ADARB1: variants seen among roughly 807,000 people sequenced by gnomAD.
The protein encoded by ADARB1 is adenosine deaminase RNA specific B1.
In ADARB1, 10 loss-of-function variants were observed where a neutral mutation model predicts 52.4. The ratio of observed to expected loss-of-function variants is 0.19; its 90% CI spans 0.12 to 0.32. The LOEUF (loss-of-function observed/expected upper bound fraction) is 0.32, where lower values mean the gene tolerates loss of function less well. ADARB1 is among the 10% of genes least tolerant of loss of function. ADARB1 has a pLI of 1.00. For synonymous variants in ADARB1, 349 were observed against 371.1 expected, an observed-to-expected ratio of 0.94 and a Z score of 0.68; for missense variants, 643 against 922.3, an observed-to-expected ratio of 0.70 and a Z score of 3.92.
intron 1 of ADARB1, among the ~76,000 whole-genome samples, chr21:45,105,576 A>G (rs1177823560): frequency 6.6e-6 from 1 of 152,220 alleles, no homozygotes; most frequent in Non-Finnish European, 1.5e-5. Context: ...AATATATTTT[A>G]AAAGAGAAAA....
chr21:45,147,251 T>A (rs1212721754), intron 2 of ADARB1, among the ~76,000 whole-genome samples: 3 of 152,256 alleles, frequency 2.0e-5, no homozygotes, highest in Non-Finnish European at 2.9e-5. Flanking sequence ...CTTACAGTTT[T>A]CAAATACAGT....
intron 1 of ADARB1, 147 bp downstream of exon 1, chr21:45,074,940 C>G (rs1274214840): frequency 1.3e-5 from 2 of 150,536 alleles, no homozygotes; most frequent in East Asian, 4.0e-4. Context: ...CGCGGAGAAG[C>G]GAGGGTGCCG....
chr21:45,208,757 C>T lies in ADARB1; in HGVS notation c.1747+4021C>T, dbSNP rs2092714500. On this transcript the variant is annotated intron_variant, in intron 9 of 10. Transcript: ENST00000348831. This position sits in a 1 kb window ranked among gnomAD's most constrained non-coding sequence, Gnocchi z 5.6. Reference sequence around the variant, plus strand: ...GTGTGTGTGTGTGTATGCGTATTCTCCAGGTAAGAGCAGGCACCGGGGTTG... The same window carrying T: ...GTGTGTGTGTGTGTATGCGTATTCTTCAGGTAAGAGCAGGCACCGGGGTTG... Among the ~76,000 whole-genome samples, 1 of 151,820 alleles carries T rather than the reference C, an allele frequency of 6.6e-6. No homozygotes were observed. Among genetic ancestry groups the T allele is most frequent in the Non-Finnish European group, 1.5e-5 (1 of 67,958 alleles).
At chr21:45,144,842 A>G in intron 2 of ADARB1, 1 of 205,082 alleles carries the variant, frequency 4.9e-6, no homozygotes, top group South Asian at 6.9e-5. Flanking sequence ...GGGAGAGTCT[A>G]AATTACTCTG....
rs144089205 is a variant in ADARB1 at position 45,200,663 on chromosome 21, C to T, written c.1566-3892C>T. ...ATGGGCTCTGCAGAAGGTGGCCTCC[C>T]GTGCAGCTGCTTGAAGAACCCAGGG... is the stretch of plus-strand genomic sequence containing the variant. On this transcript the variant is annotated intron_variant, in intron 8 of 10. Coordinates refer to ENST00000348831, the MANE Select transcript of ADARB1 (RefSeq NM_001112.4). This position sits in a 1 kb window ranked among gnomAD's most constrained non-coding sequence, Gnocchi z 5.0. Among the ~76,000 whole-genome samples, 228 of 152,210 alleles carry T rather than the reference C, an allele frequency of 1.5e-3. No homozygotes were observed. Among genetic ancestry groups the T allele is most frequent in the African/African-American group, 5.0e-3 (208 of 41,520 alleles).
Position 45,225,605 on chromosome 21 carries a change from T to C in ADARB1, c.*3408T>C. The C allele has an allele frequency of 2.3e-6, 3 of 1,312,952 alleles. No homozygotes were observed. Among genetic ancestry groups the C allele is most frequent in the Non-Finnish European group, 2.0e-6 (2 of 1,017,568 alleles). The allele number at this position is 1,312,952 out of a possible 1,614,324, so 81.3% of individuals were successfully genotyped here. A position where few individuals can be genotyped will look rare whatever the true frequency, so the allele number is the denominator to read the frequency against. On this transcript the variant is annotated 3_prime_UTR_variant, in exon 11 of 11. Transcript: ENST00000348831. The stretch of plus-strand genomic sequence containing the variant: ...TTGTGCACAGATCTGAGGATGGGAT[T>C]AGCGAAGCTGTGGAGACTGCACATC...
intron 1 of ADARB1, among the ~76,000 whole-genome samples, chr21:45,124,216 C>T (rs2088409597): frequency 6.6e-6 from 1 of 152,186 alleles, no homozygotes; most frequent in Non-Finnish European, 1.5e-5. Flanking sequence ...GATTGACTTA[C>T]TGCTTCCTTT....
rs1487777576 is a variant in ADARB1, at chr21:45,220,138, A to G, written c.1748-698A>G. Among the ~76,000 whole-genome samples the G allele has an allele frequency of 6.6e-6, 1 of 152,064 alleles. No individual in the cohort carries two copies. The highest frequency in any genetic ancestry group is 1.9e-4 in the East Asian group (1 of 5,194). On this transcript the variant is annotated intron_variant, in intron 9 of 10. Coordinates refer to ENST00000348831, the MANE Select transcript of ADARB1 (RefSeq NM_001112.4). The surrounding 1 kb of genome is among the most constrained non-coding windows in gnomAD (Gnocchi z 6.3). ...GAGCGCTTTTCAAACAGATGTCTTA[A>G]TCTTCTTAGTGCCTCAAACTAGATC... is the stretch of plus-strand genomic sequence containing the variant.
chr21:45,185,206 T>A, intron 8 of ADARB1, 115 bp downstream of exon 8: 1 of 1,340,808 alleles, frequency 7.5e-7, no homozygotes, highest in East Asian at 2.4e-5. Flanking sequence ...CCCACTCAGG[T>A]GTTCCACAGT....
chr21:45,077,202 T>G (rs2085973746), intron 1 of ADARB1, among the ~76,000 whole-genome samples: 1 of 152,256 alleles, frequency 6.6e-6, no homozygotes, highest in East Asian at 1.9e-4. Flanking sequence ...TTTTATTCCC[T>G]TGAATGCTGT....
chr21:45,113,495 ATATGTG>A (rs767070038), intron 1 of ADARB1, among the ~76,000 whole-genome samples: 2 of 95,682 alleles, frequency 2.1e-5, no homozygotes, highest in African/African-American at 7.2e-5. Context: ...GTGTGTGTAT[ATATGTG>A]TGTGTGTGTG....
At chr21:45,127,121 G>A (rs751720527) in intron 1 of ADARB1, among the ~76,000 whole-genome samples, 16 of 152,136 alleles carry the variant, frequency 1.1e-4, no homozygotes, top group Non-Finnish European at 2.1e-4. Context: ...ATGCTCACTC[G>A]GGGCCCTTGC....
chr21:45,122,155 C>T (rs1018673980), intron 1 of ADARB1, among the ~76,000 whole-genome samples: 1 of 152,204 alleles, frequency 6.6e-6, no homozygotes, highest in Non-Finnish European at 1.5e-5. Flanking sequence ...ACTGCACACG[C>T]GTGCATAGTC....
intron 2 of ADARB1, among the ~76,000 whole-genome samples, chr21:45,167,593 A>G (rs554051803): frequency 2.0e-5 from 3 of 152,190 alleles, no homozygotes; most frequent in East Asian, 3.9e-4. Flanking sequence ...TCTACTAAAA[A>G]TACAAAAATT....
chr21:45,099,227 G>A (rs1342284613), intron 1 of ADARB1, among the ~76,000 whole-genome samples: 1 of 152,172 alleles, frequency 6.6e-6, no homozygotes, highest in Admixed American at 6.5e-5. Context: ...TAGGGCTGGT[G>A]ACCGGGGAAC....
At position 45,202,922 on chromosome 21, in the gene ADARB1, A is replaced by T. The variant is rs541222570; in HGVS notation, c.1566-1633A>T. Reference sequence around the variant, plus strand: ...GCATGCCACACTGTGCTGAGCGTCTAACCCTGCAGCGCGTGCCACACTGTG... The same window carrying T: ...GCATGCCACACTGTGCTGAGCGTCTTACCCTGCAGCGCGTGCCACACTGTG... On this transcript the variant is annotated intron_variant, in intron 8 of 10. Transcript: ENST00000348831. 3.2e-5 allele frequency among the ~76,000 whole-genome samples: 4 copies of T among 123,748 alleles called. No homozygotes were observed. In the Admixed American group the frequency reaches 3.3e-4, roughly 10 times the overall value. 81.2% of individuals were successfully genotyped at this position (123,748 alleles called of 152,430 possible).
At chr21:45,075,879 GA>G (rs2085912894) in intron 1 of ADARB1, among the ~76,000 whole-genome samples, 1 of 152,146 alleles carries the variant, frequency 6.6e-6, no homozygotes, top group South Asian at 2.1e-4. Flanking sequence ...GAAGTATAAC[GA>G]AAAGTGGCAT....
At chr21:45,210,659 C>T (rs930456703) in intron 9 of ADARB1, among the ~76,000 whole-genome samples, 1 of 152,192 alleles carries the variant, frequency 6.6e-6, no homozygotes, top group African/African-American at 2.4e-5. Flanking sequence ...CAGCCGCAGC[C>T]GGCAGACACC....
intron 1 of ADARB1, among the ~76,000 whole-genome samples, chr21:45,104,085 G>A (rs1365768493): frequency 3.3e-5 from 5 of 152,164 alleles, no homozygotes; most frequent in African/African-American, 7.2e-5. Context: ...GGAGCAGTGC[G>A]TTCAGCTAGC....
Sources: allele counts gnomAD v4.1 joint callset (sites outside exome capture counted in the v4.1 genomes callset), GRCh38; gene constraint gnomAD v4.1.1; non-coding constraint Gnocchi (gnomAD v3.1); transcripts MANE v1.5; gene names NCBI Gene and HGNC (gene_info 2026-07-23, HGNC 2026-07-21).